Variants in BCKDHB observed in about 807,000 individuals in gnomAD.
BCKDHB encodes 2-oxoisovalerate dehydrogenase subunit beta, mitochondrial.
Under a neutral mutation model 48.5 loss-of-function variants are expected in BCKDHB, and 41 were observed. The observed-to-expected ratio is 0.85, with a 90% confidence interval of 0.66 to 1.10. The LOEUF (loss-of-function observed/expected upper bound fraction) is 1.10. BCKDHB is among the 50% of genes least tolerant of loss of function. The pLI, the probability that BCKDHB is intolerant of heterozygous loss-of-function variation, is 0.00. For missense variants in BCKDHB, 496 were observed against 494.2 expected, an observed-to-expected ratio of 1.00 and a Z score of -0.03; for synonymous variants, 201 against 174.8, an observed-to-expected ratio of 1.15 and a Z score of -1.18.
chr6:80,282,651 C>G (rs568537277), intron 9 of BCKDHB, among the ~76,000 whole-genome samples: 6 of 151,936 alleles, frequency 3.9e-5, no homozygotes, highest in African/African-American at 1.2e-4. Context: ...GTATGCAAAC[C>G]TACAGGTACT....
intron 6 of BCKDHB, among the ~76,000 whole-genome samples, chr6:80,172,322 T>C: frequency 6.6e-6 from 1 of 152,094 alleles, no homozygotes; most frequent in Non-Finnish European, 1.5e-5. Context: ...ATGGTCATTA[T>C]ATTGGATGAA....
intron 8 of BCKDHB, among the ~76,000 whole-genome samples, chr6:80,265,485 G>T (rs775426066): frequency 2.6e-5 from 4 of 152,038 alleles, no homozygotes; most frequent in Admixed American, 6.6e-5. Context: ...ATTTATATAA[G>T]GTTCCTAAAC....
At chr6:80,452,899 C>G in the BCKDHB span, among the ~76,000 whole-genome samples, 624 of 151,840 alleles carry the variant, frequency 4.1e-3, 6 homozygotes, top group African/African-American at 0.014. Context: ...ATGCAACAAA[C>G]TATCTTTTCT....
chr6:80,151,227 GGAGTGTGAACTAGAAAAA>G (rs1207715339), intron 3 of BCKDHB, among the ~76,000 whole-genome samples: 4 of 152,022 alleles, frequency 2.6e-5, no homozygotes, highest in Non-Finnish European at 5.9e-5. Flanking sequence ...TTTACTCATT[GGAGTGTGAACTAGAAAAA>G]TACTATACAC....
chr6:80,167,798 C>T lies in BCKDHB; in HGVS notation c.464C>T (p.Pro155Leu). 1 of 1,613,780 alleles carries T rather than the reference C, an allele frequency of 6.2e-7. No individual in the cohort carries two copies. The highest frequency in any genetic ancestry group is 1.3e-5 in the African/African-American group (1 of 75,010). Residue 155 changes from proline to leucine, a missense_variant, in exon 4 of 10, where the codon CCT becomes CTT. Physicochemically the swap from Pro to Leu is moderately conservative, Grantham distance 98. Coordinates refer to ENST00000320393, the MANE Select transcript of BCKDHB (RefSeq NM_183050.4). ...AEIQFADYIFPAFDQIVNEAA... is the reference protein window; with the variant it reads ...AEIQFADYIFLAFDQIVNEAA... The stretch of plus-strand genomic sequence containing the variant: ...ATTCAGTTTGCAGATTATATTTTCC[C>T]TGCATTTGATCAGGTAAGTGAATGA...
At chr6:80,240,609 A>C (rs1003588332) in intron 8 of BCKDHB, among the ~76,000 whole-genome samples, 8 of 152,198 alleles carry the variant, frequency 5.3e-5, no homozygotes, top group African/African-American at 1.9e-4. Flanking sequence ...TGTCATCTGC[A>C]AACAGGGACA....
At chr6:80,139,480 A>G (rs1771071365) in intron 3 of BCKDHB, among the ~76,000 whole-genome samples, 1 of 151,280 alleles carries the variant, frequency 6.6e-6, no homozygotes, top group Non-Finnish European at 1.5e-5. Flanking sequence ...TGATTTTTGT[A>G]TAAGGTGTAA....
chr6:80,220,304 G>GTTTTTTTTTTTTTTT (rs56967096), intron 8 of BCKDHB, among the ~76,000 whole-genome samples: 6 of 60,852 alleles, frequency 9.9e-5, no homozygotes, highest in Admixed American at 2.5e-4. Flanking sequence ...CATGCTATTT[G>GTTTTTTTTTTTTTTT]TTTTTTTTTT....
At chr6:80,442,183 G>A in the BCKDHB span, among the ~76,000 whole-genome samples, 4 of 152,014 alleles carry the variant, frequency 2.6e-5, no homozygotes, top group East Asian at 3.8e-4. Context: ...GTTAGTGTTC[G>A]TAATGATAAT....
At chr6:80,349,376 C>A (rs1026068235), downstream of BCKDHB, among the ~76,000 whole-genome samples, 1 of 150,902 alleles carries the variant, frequency 6.6e-6, no homozygotes, top group African/African-American at 2.4e-5. Flanking sequence ...TTCTTAGGTA[C>A]AAAGTTAACT....
intron 8 of BCKDHB, among the ~76,000 whole-genome samples, chr6:80,241,160 T>G (rs945392287): frequency 6.6e-6 from 1 of 152,168 alleles, no homozygotes; most frequent in African/African-American, 2.4e-5. Flanking sequence ...CTAATCTTTT[T>G]TCAAGGTTTT....
At chr6:80,275,868 C>T (rs1444361645) in intron 9 of BCKDHB, among the ~76,000 whole-genome samples, 1 of 151,902 alleles carries the variant, frequency 6.6e-6, no homozygotes, top group African/African-American at 2.4e-5. Flanking sequence ...GTTGTTTAAA[C>T]TGAGATCACC....
intron 9 of BCKDHB, among the ~76,000 whole-genome samples, chr6:80,297,971 GAT>G (rs1767343784): frequency 6.6e-6 from 1 of 150,396 alleles, no homozygotes; most frequent in African/African-American, 2.4e-5. Flanking sequence ...AAAAACAGAG[GAT>G]TTTTTTTTTC....
At chr6:80,130,252 G>GT (rs1454962979) in intron 3 of BCKDHB, among the ~76,000 whole-genome samples, 1 of 152,194 alleles carries the variant, frequency 6.6e-6, no homozygotes, top group Non-Finnish European at 1.5e-5. Flanking sequence ...AGCAGTTCAC[G>GT]TGAGGGCTGG....
chr6:80,337,322 T>A (rs1769643667), intron 9 of BCKDHB, among the ~76,000 whole-genome samples: 1 of 152,160 alleles, frequency 6.6e-6, no homozygotes, highest in Non-Finnish European at 1.5e-5. Context: ...GTATCAACTA[T>A]ACATCATTTT....
chr6:80,196,132 A>G (rs369511487), intron 6 of BCKDHB, among the ~76,000 whole-genome samples: 4 of 152,176 alleles, frequency 2.6e-5, no homozygotes, highest in Non-Finnish European at 5.9e-5. Flanking sequence ...ATTTTGTTGC[A>G]GATGCTTTCT....
At chr6:80,311,464 T>G (rs942537116) in intron 9 of BCKDHB, among the ~76,000 whole-genome samples, 1 of 152,256 alleles carries the variant, frequency 6.6e-6, no homozygotes, top group South Asian at 2.1e-4. Context: ...CAATTTTTGC[T>G]TTTGTTGCAA....
chr6:80,427,418 C>T, the BCKDHB span, among the ~76,000 whole-genome samples: 1 of 151,974 alleles, frequency 6.6e-6, no homozygotes, highest in South Asian at 2.1e-4. Context: ...ATACATTTTA[C>T]TTGTACGTGT....
the BCKDHB span, among the ~76,000 whole-genome samples, chr6:80,396,078 C>A: frequency 6.6e-6 from 1 of 152,344 alleles, no homozygotes; most frequent in East Asian, 1.9e-4. Context: ...AGAACCACTA[C>A]CAGGGCAGTG....
Sources: gnomAD v4.1 joint callset for allele counts (sites outside exome capture counted in the v4.1 genomes callset) on GRCh38, gnomAD v4.1.1 for gene constraint, MANE v1.5 for transcripts, NCBI Gene and HGNC (gene_info 2026-07-23, HGNC 2026-07-21) for gene names.